The following SPECC1L variants were observed in gnomAD, a reference collection of about 807,000 sequenced individuals.
SPECC1L encodes cytospin-A.
In SPECC1L, 40 loss-of-function variants were observed where a neutral mutation model predicts 116.8. The observed-to-expected ratio is 0.34, with a 90% CI of 0.27 to 0.45. The LOEUF (loss-of-function observed/expected upper bound fraction) is 0.45, where lower values mean the gene tolerates loss of function less well. Among genes scored for constraint, SPECC1L ranks in the 20% least tolerant of loss-of-function variants. SPECC1L has a pLI of 1.00. For missense variants in SPECC1L, 1,110 were observed against 1,373.6 expected (o/e 0.81, Z 3.03); for synonymous variants, 504 against 500.6 (o/e 1.01, Z -0.09).
In SPECC1L at chr22:24,278,575, A is replaced by G. The variant is rs3876096; in HGVS notation, c.-38+1772A>G. Among the ~76,000 whole-genome samples, 6 of 152,358 alleles carry G rather than the reference A, an allele frequency of 3.9e-5. No homozygotes were observed. The South Asian group carries it at 8.3e-4, about 21-fold the overall frequency. ...GGTGCCAGGCACTGCTCTAAGCGTT[A>G]AAGAAAAACACACAAAAACTTTTGC... On this transcript the variant is annotated intron_variant, in intron 2 of 16. Coordinates refer to ENST00000314328, the MANE Select transcript of SPECC1L (RefSeq NM_015330.6).
At chr22:24,280,928 G>T (rs141620037) in intron 2 of SPECC1L, among the ~76,000 whole-genome samples, 2 of 152,052 alleles carry the variant, frequency 1.3e-5, no homozygotes, top group Admixed American at 6.6e-5. Flanking sequence ...ATTTAAAAAT[G>T]CAAAACATTC....
At chr22:24,405,929 C>T (rs1202755423) in intron 14 of SPECC1L, among the ~76,000 whole-genome samples, 1 of 152,056 alleles carries the variant, frequency 6.6e-6, no homozygotes, top group Non-Finnish European at 1.5e-5. Context: ...GCTGGGATTT[C>T]ACTGAAGTCC....
chr22:24,340,137 G>GA (rs1409732670), intron 10 of SPECC1L, among the ~76,000 whole-genome samples: 2 of 132,804 alleles, frequency 1.5e-5, no homozygotes. Context: ...CCAATTTAAT[G>GA]ACCTTTTTTT....
intron 4 of SPECC1L, among the ~76,000 whole-genome samples, chr22:24,318,032 T>C (rs1318657743): frequency 1.4e-5 from 2 of 142,902 alleles, no homozygotes; most frequent in African/African-American, 5.3e-5. Flanking sequence ...CTCCTCACTT[T>C]CCAGACTGGG....
intron 14 of SPECC1L, among the ~76,000 whole-genome samples, chr22:24,369,837 G>A (rs1302892272): frequency 3.3e-5 from 5 of 152,026 alleles, no homozygotes; most frequent in South Asian, 2.1e-4. Flanking sequence ...TTTAAGTTAC[G>A]TTAAATATAA....
intron 10 of SPECC1L, among the ~76,000 whole-genome samples, chr22:24,344,096 T>C (rs532368248): frequency 6.6e-6 from 1 of 152,254 alleles, no homozygotes; most frequent in African/African-American, 2.4e-5. Flanking sequence ...AAAAGGACTT[T>C]CCAGTTCATT....
chr22:24,345,636 A>G (rs974838736), intron 10 of SPECC1L, among the ~76,000 whole-genome samples: 1 of 140,846 alleles, frequency 7.1e-6, no homozygotes, highest in Non-Finnish European at 1.5e-5. Context: ...AAGAATACAA[A>G]TGGCCAATGG....
At chr22:24,337,171 T>C (rs2041077244) in intron 9 of SPECC1L, among the ~76,000 whole-genome samples, 1 of 152,190 alleles carries the variant, frequency 6.6e-6, no homozygotes, top group African/African-American at 2.4e-5. Context: ...AGCTAATAGA[T>C]GGAAGTAACC....
intron 14 of SPECC1L, among the ~76,000 whole-genome samples, chr22:24,401,021 C>T (rs982731221): frequency 1.9e-4 from 29 of 152,140 alleles, no homozygotes; most frequent in African/African-American, 5.3e-4. Flanking sequence ...ATAGCCCTAG[C>T]GACAAGATAT....
At chr22:24,275,560 T>A (rs2048821066) in intron 1 of SPECC1L, among the ~76,000 whole-genome samples, 1 of 151,992 alleles carries the variant, frequency 6.6e-6, no homozygotes, top group South Asian at 2.1e-4. Context: ...ACCTTTTTTT[T>A]TTTTTTTTGA....
chr22:24,305,680 G>T (rs1268750630), intron 3 of SPECC1L, among the ~76,000 whole-genome samples: 1 of 152,094 alleles, frequency 6.6e-6, no homozygotes, highest in Admixed American at 6.5e-5. Flanking sequence ...ATTTGTGTTG[G>T]TTCTAGAATG....
At chr22:24,350,559 C>T (rs548627107) in intron 11 of SPECC1L, among the ~76,000 whole-genome samples, 16 of 152,132 alleles carry the variant, frequency 1.1e-4, no homozygotes, top group African/African-American at 3.9e-4. Context: ...TCTCATTGGC[C>T]CACAAGTCAA....
chr22:24,344,591 C>T (rs77301661), intron 10 of SPECC1L, among the ~76,000 whole-genome samples: 2 of 71,164 alleles, frequency 2.8e-5, no homozygotes, highest in Non-Finnish European at 5.2e-5. Context: ...TTGCATAAGA[C>T]CAAAAAAAAA....
chr22:24,337,393 T>C (rs146589386), intron 9 of SPECC1L, among the ~76,000 whole-genome samples: 17 of 152,286 alleles, frequency 1.1e-4, no homozygotes, highest in African/African-American at 3.6e-4. Flanking sequence ...GGTCAGTCCA[T>C]AGAGACAGAA....
At chr22:24,305,228 T>C (rs1048232887) in intron 3 of SPECC1L, among the ~76,000 whole-genome samples, 6 of 152,206 alleles carry the variant, frequency 3.9e-5, no homozygotes, top group Non-Finnish European at 1.5e-5. Flanking sequence ...GTGTTGAGTT[T>C]AGTGAATCAT....
intron 2 of SPECC1L, among the ~76,000 whole-genome samples, chr22:24,291,151 A>G (rs2049148606): frequency 6.6e-6 from 1 of 152,246 alleles, no homozygotes; most frequent in South Asian, 2.1e-4. Flanking sequence ...TGCTTAGGTT[A>G]AAAACCCTTT....
chr22:24,286,436 C>T (rs1401463652), intron 2 of SPECC1L, among the ~76,000 whole-genome samples: 3 of 152,080 alleles, frequency 2.0e-5, no homozygotes, highest in Admixed American at 6.6e-5. Flanking sequence ...TACATTGCTC[C>T]TGAGATAAAG....
Position 24,405,720 on chromosome 22 carries a change from A to G in SPECC1L, c.3088-5868A>G, listed in dbSNP as rs147002373. 4.8e-3 allele frequency among the ~76,000 whole-genome samples: 728 copies of G among 152,074 alleles called. 8 individuals are homozygous for G. The highest frequency in any genetic ancestry group is 0.014 in the African/African-American group (592 of 41,476). Reference sequence around the variant, plus strand: ...CCGGGCATGGTGGCGGGTGCTTACAATCCCAGCTACTCAGGAGGCTGATGC... The same window carrying G: ...CCGGGCATGGTGGCGGGTGCTTACAGTCCCAGCTACTCAGGAGGCTGATGC... On this transcript the variant is annotated intron_variant, in intron 14 of 16. Coordinates refer to ENST00000314328, the MANE Select transcript of SPECC1L (RefSeq NM_015330.6).
chr22:24,411,589 A>T lies in SPECC1L; in HGVS notation c.3089A>T (p.Asn1030Ile). 6.2e-7 allele frequency: 1 copy of T among 1,613,874 alleles called. No homozygotes were observed. The highest frequency in any genetic ancestry group is 1.1e-5 in the South Asian group (1 of 91,088). ...WCQKKTEGYQNIDITNFSSSW... is the reference protein window; with the variant it reads ...WCQKKTEGYQIIDITNFSSSW... ...CATGTTTTTCTTCCTTTCCTTCAGA[A>T]TATTGACATTACAAACTTCAGCAGC... Residue 1030 changes from asparagine to isoleucine, a missense_variant and splice_region_variant, in exon 15 of 17, where the codon AAT (asparagine) becomes ATT (isoleucine). Transcript: ENST00000314328.
Sources: gnomAD v4.1 joint callset for allele counts (sites outside exome capture counted in the v4.1 genomes callset) on GRCh38, gnomAD v4.1.1 for gene constraint, MANE v1.5 for transcripts, NCBI Gene and HGNC (gene_info 2026-07-23, HGNC 2026-07-21) for gene names.